SMG7: variants seen among roughly 807,000 people sequenced by gnomAD.
SMG7 encodes SMG7 nonsense mediated mRNA decay factor.
Under a neutral mutation model 148.2 loss-of-function variants are expected in SMG7, and 34 were observed. The observed-to-expected ratio is 0.23, with a 90% CI of 0.17 to 0.31. The LOEUF (loss-of-function observed/expected upper bound fraction) is 0.31, where lower values mean the gene tolerates loss of function less well. SMG7 is among the 10% of genes least tolerant of loss of function. The pLI, the probability that SMG7 is intolerant of heterozygous loss-of-function variation, is 1.00. For synonymous variants in SMG7, 492 were observed against 515.1 expected (o/e 0.96, Z 0.61); for missense variants, 1,114 against 1,408.4 (o/e 0.79, Z 3.35).
chr1:183,527,764 C>A lies in SMG7; in HGVS notation c.485-192C>A. On this transcript the variant is annotated intron_variant, in intron 5 of 22. Transcript: ENST00000688051. This position sits in a 1 kb window ranked among gnomAD's most constrained non-coding sequence, Gnocchi z 4.0. ...TTAAAATTGGTTACATGCTGAATGT[C>A]CCAAATAAGGAAGGCTGATGGACAC... The A allele has an allele frequency of 3.4e-6, 2 of 592,228 alleles. No individual in the cohort carries two copies. Among genetic ancestry groups the A allele is most frequent in the Non-Finnish European group, 6.5e-6 (2 of 307,824 alleles). The allele number at this position is 592,228 out of a possible 1,614,324, so 36.7% of individuals were successfully genotyped here. A position where few individuals can be genotyped will look rare whatever the true frequency, so the allele number is the denominator to read the frequency against.
chr1:183,542,927 ATGTGTGTGTGTGTGTGTG>A lies in SMG7; in HGVS notation c.1842+451_1842+468del, dbSNP rs3979479. ...TTTAGATTCACTATAATATATATAT[ATGTGTGTGTGTGTGTGTG>A]TGTGTGTGTGTGTGTGTGTGTGTGT... is the stretch of plus-strand genomic sequence containing the variant. On this transcript the variant is annotated intron_variant, in intron 14 of 22. Transcript: ENST00000688051. Among the ~76,000 whole-genome samples the A allele has an allele frequency of 2.8e-3, 235 of 85,174 alleles. 2 individuals carry two copies. The highest frequency in any genetic ancestry group is 5.2e-3 in the Admixed American group (41 of 7,926). 55.9% of individuals were successfully genotyped at this position (85,174 alleles called of 152,430 possible). A position where few individuals can be genotyped will look rare whatever the true frequency, so the allele number is the denominator to read the frequency against.
intron 3 of SMG7, among the ~76,000 whole-genome samples, chr1:183,516,552 AAGTG>A (rs993283015): frequency 2.0e-5 from 3 of 152,216 alleles, no homozygotes; most frequent in African/African-American, 7.2e-5. Flanking sequence ...CCAGATTCCC[AAGTG>A]AGTAATTGTC....
intron 4 of SMG7, among the ~76,000 whole-genome samples, chr1:183,520,340 T>C (rs1224260949): frequency 6.6e-6 from 1 of 152,158 alleles, no homozygotes; most frequent in African/African-American, 2.4e-5. Context: ...GTAGTCTCAG[T>C]TCAGTGGGAT....
intron 19 of SMG7, 137 bp downstream of exon 19, chr1:183,549,425 C>G: frequency 1.5e-6 from 1 of 679,832 alleles, no homozygotes; most frequent in East Asian, 2.7e-5. Context: ...TTTTATCCCC[C>G]TTGTCTCTGA....
At chr1:183,495,675 C>T (rs1658307838) in intron 1 of SMG7, among the ~76,000 whole-genome samples, 1 of 152,036 alleles carries the variant, frequency 6.6e-6, no homozygotes, top group Admixed American at 6.5e-5. Context: ...TCGAGACTAG[C>T]CTGGACAACA....
intron 1 of SMG7, among the ~76,000 whole-genome samples, chr1:183,497,120 G>A (rs969705839): frequency 6.6e-6 from 1 of 152,192 alleles, no homozygotes; most frequent in Non-Finnish European, 1.5e-5. Context: ...GAAACTACCA[G>A]TTAATTACAT....
At chr1:183,548,521 A>G (rs1670348161) in intron 18 of SMG7, among the ~76,000 whole-genome samples, 1 of 152,186 alleles carries the variant, frequency 6.6e-6, no homozygotes, top group Non-Finnish European at 1.5e-5. Context: ...TTAAAAGACA[A>G]CAATGAATAA....
At chr1:183,474,446 G>A (rs1651599795) in intron 1 of SMG7, among the ~76,000 whole-genome samples, 1 of 152,100 alleles carries the variant, frequency 6.6e-6, no homozygotes. Flanking sequence ...CGCCTGTAAT[G>A]CCGGCTACTC....
At chr1:183,537,072 AT>A in intron 10 of SMG7, 72 bp from the exon 11 acceptor site, 1 of 1,063,192 alleles carries the variant, frequency 9.4e-7, no homozygotes, top group Admixed American at 1.7e-5. Flanking sequence ...TATAGATACC[AT>A]TTTCATGGCT....
At chr1:183,512,629 AC>A (rs1662400150) in intron 1 of SMG7, among the ~76,000 whole-genome samples, 1 of 152,164 alleles carries the variant, frequency 6.6e-6, no homozygotes, top group Non-Finnish European at 1.5e-5. Flanking sequence ...TGGTCCTTAA[AC>A]TTTTAAGTAT....
intron 14 of SMG7, among the ~76,000 whole-genome samples, chr1:183,543,252 C>T (rs1041597952): frequency 1.3e-5 from 2 of 152,184 alleles, no homozygotes; most frequent in Non-Finnish European, 2.9e-5. Context: ...AATACTTAAG[C>T]AGCCATGTGA....
chr1:183,511,338 G>A (rs1292703400), intron 1 of SMG7, among the ~76,000 whole-genome samples: 1 of 152,170 alleles, frequency 6.6e-6, no homozygotes, highest in East Asian at 1.9e-4. Context: ...TGCTGTGAGA[G>A]CATAAAATAG....
chr1:183,480,626 CTG>C (rs1653845486), intron 1 of SMG7, among the ~76,000 whole-genome samples: 2 of 152,152 alleles, frequency 1.3e-5, no homozygotes, highest in African/African-American at 4.8e-5. Flanking sequence ...TAAAAAGAGA[CTG>C]TGCCCTCAAG....
At chr1:183,480,569 C>T (rs961529063) in intron 1 of SMG7, among the ~76,000 whole-genome samples, 9 of 152,018 alleles carry the variant, frequency 5.9e-5, no homozygotes, top group Non-Finnish European at 1.0e-4. Context: ...TCCATTCCAC[C>T]AATAAACATT....
intron 14 of SMG7, among the ~76,000 whole-genome samples, chr1:183,543,828 C>T (rs1669408769): frequency 6.6e-6 from 1 of 152,084 alleles, no homozygotes; most frequent in Non-Finnish European, 1.5e-5. Context: ...CTGAAAGTAT[C>T]CTTATTTATT....
intron 18 of SMG7, 95 bp from the exon 19 acceptor site, chr1:183,549,113 A>G (rs1180475321): frequency 9.2e-6 from 8 of 871,258 alleles, no homozygotes; most frequent in Non-Finnish European, 1.8e-6. Flanking sequence ...GGGCGAATAC[A>G]GGCATGCTTT....
In SMG7 at chr1:183,549,245, A is replaced by G; in HGVS notation, c.2930A>G (p.His977Arg). 6.2e-7 allele frequency: 1 copy of G among 1,613,908 alleles called. No homozygotes were observed. Among genetic ancestry groups the G allele is most frequent in the Non-Finnish European group, 8.5e-7 (1 of 1,179,832 alleles). ...GAGAAGCCCTCAGAGCTCATGTCAC[A>G]TTCATCCTCTTTCCTGTCCCTCACC... ...LLEKPSELMS[H>R]SSSFLSLTGF... The change falls in exon 19 of 23, where the codon CAT becomes CGT. Residue 977 changes from histidine (H) to arginine (R), a missense_variant. Physicochemically the swap from His to Arg is conservative, Grantham distance 29 (BLOSUM62 0). Around this residue, in one of 4 missense-constraint regions of SMG7, gnomAD observed 788 missense variants for 894.5 expected, o/e 0.88. Coordinates refer to ENST00000688051, the MANE Select transcript of SMG7 (RefSeq NM_001375584.1).
chr1:183,549,192 T>C lies in SMG7; in HGVS notation c.2893-16T>C. The C allele has an allele frequency of 6.3e-7, 1 of 1,597,464 alleles. No individual in the cohort carries two copies. Among genetic ancestry groups the C allele is most frequent in the Non-Finnish European group, 8.6e-7 (1 of 1,165,468 alleles). The stretch of plus-strand genomic sequence containing the variant: ...GAAGGTATAACTTAATTACCTTTTT[T>C]TCTGGGACTGTGAAGAAATCCTTAT... On this transcript the variant is annotated splice_polypyrimidine_tract_variant and intron_variant, in intron 18 of 22. Transcript: ENST00000688051.
intron 12 of SMG7, 123 bp downstream of exon 12, chr1:183,538,563 T>G (rs1668204973): frequency 5.6e-6 from 4 of 715,134 alleles, no homozygotes; most frequent in Non-Finnish European, 1.0e-5. Flanking sequence ...TTTTGTAACG[T>G]CAACTAATAC....
Sources: allele counts gnomAD v4.1 joint callset (sites outside exome capture counted in the v4.1 genomes callset), GRCh38; gene constraint gnomAD v4.1.1; regional missense constraint gnomAD v4.1.1; non-coding constraint Gnocchi (gnomAD v3.1); transcripts MANE v1.5; gene names NCBI Gene and HGNC (gene_info 2026-07-23, HGNC 2026-07-21).